The following KCNMA1 variants were observed in gnomAD, a reference collection of about 807,000 sequenced individuals.
KCNMA1 encodes potassium calcium-activated channel subfamily M alpha 1.
In KCNMA1, 29 loss-of-function variants were observed where a neutral mutation model predicts 140.0. The observed-to-expected ratio is 0.21, with a 90% CI of 0.15 to 0.28. The LOEUF (loss-of-function observed/expected upper bound fraction) is 0.28. Ranked by LOEUF, KCNMA1 falls within the 10% of genes least tolerant of loss-of-function variation. The pLI is 1.00. For synonymous variants in KCNMA1, 612 were observed against 611.9 expected (o/e 1.00, Z 0.00); for missense variants, 880 against 1,602.2 (o/e 0.55, Z 7.70).
chr10:77,553,886 G>T (rs1389533170), intron 1 of KCNMA1, among the ~76,000 whole-genome samples: 1 of 152,140 alleles, frequency 6.6e-6, no homozygotes, highest in East Asian at 1.9e-4. Context: ...AAGAGCATCA[G>T]AACTCCCTGT....
At chr10:76,923,460 G>A (rs149051900) in intron 23 of KCNMA1, among the ~76,000 whole-genome samples, 84 of 151,724 alleles carry the variant, frequency 5.5e-4, no homozygotes, top group African/African-American at 2.0e-3. Flanking sequence ...AAAAGAATTC[G>A]CTTAAAGAGC....
chr10:77,004,407 A>G (rs1243860231), intron 18 of KCNMA1, among the ~76,000 whole-genome samples: 2 of 152,202 alleles, frequency 1.3e-5, no homozygotes, highest in African/African-American at 4.8e-5. Flanking sequence ...TACTGCTGGC[A>G]TAGTCCATTT....
chr10:77,488,806 G>T (rs530091345), intron 1 of KCNMA1, among the ~76,000 whole-genome samples: 1 of 152,310 alleles, frequency 6.6e-6, no homozygotes, highest in South Asian at 2.1e-4. Flanking sequence ...CCCAATCAGG[G>T]GCAAAGTTGC....
intron 1 of KCNMA1, among the ~76,000 whole-genome samples, chr10:77,471,663 TAC>T (rs1274989409): frequency 1.4e-5 from 2 of 143,902 alleles, no homozygotes; most frequent in Non-Finnish European, 1.5e-5. Context: ...CATCACACAC[TAC>T]ACACACACAC....
At chr10:77,624,681 T>C (rs2092193908) in intron 1 of KCNMA1, among the ~76,000 whole-genome samples, 1 of 152,176 alleles carries the variant, frequency 6.6e-6, no homozygotes, top group Non-Finnish European at 1.5e-5. Flanking sequence ...GAATTTGTTA[T>C]ATGCATGAGA....
At chr10:77,285,534 G>A (rs966477166) in intron 2 of KCNMA1, among the ~76,000 whole-genome samples, 7 of 152,130 alleles carry the variant, frequency 4.6e-5, no homozygotes, top group African/African-American at 1.7e-4. Context: ...ACATAGGGAT[G>A]GCATATGGGA....
At chr10:77,003,059 G>A (rs527917208) in intron 18 of KCNMA1, among the ~76,000 whole-genome samples, 1 of 152,166 alleles carries the variant, frequency 6.6e-6, no homozygotes, top group Admixed American at 6.5e-5. Context: ...GTCAAGTCCT[G>A]TTCTAAGACC....
intron 20 of KCNMA1, among the ~76,000 whole-genome samples, chr10:76,968,887 G>C (rs2075004663): frequency 6.6e-6 from 1 of 152,148 alleles, no homozygotes; most frequent in South Asian, 2.1e-4. Flanking sequence ...GATGTGGAGG[G>C]CCAGGAACAT....
chr10:76,878,648 A>G (rs913119162), intron 29 of KCNMA1, among the ~76,000 whole-genome samples: 14 of 152,262 alleles, frequency 9.2e-5, no homozygotes, highest in Admixed American at 5.2e-4. Context: ...AGCTGTCGAC[A>G]AGGGAGCTCA....
intron 5 of KCNMA1, chr10:77,148,211 A>G (rs1182199878): frequency 6.6e-6 from 1 of 152,090 alleles, no homozygotes; most frequent in Non-Finnish European, 1.5e-5. Flanking sequence ...GGTTATGACT[A>G]TTGTGAACTG....
rs1159438368 is a variant in KCNMA1, at chr10:76,885,603, T to A, written c.*1663A>T. 2 of 985,236 alleles carry A rather than the reference T, an allele frequency of 2.0e-6. No homozygotes were observed. The highest frequency in any genetic ancestry group is 2.4e-6 in the Non-Finnish European group (2 of 829,928). The allele number at this position is 985,236 out of a possible 1,614,324, so 61.0% of individuals were successfully genotyped here. On this transcript the variant is annotated 3_prime_UTR_variant, in exon 28 of 28. Coordinates refer to ENST00000286628, the MANE Select transcript of KCNMA1 (RefSeq NM_001161352.2). Reference sequence around the variant, plus strand: ...AGAGATGGTACAGCTGTGACATGTTTTCCTCCTCCCTTTTACCCCTATTCT... The same window carrying A: ...AGAGATGGTACAGCTGTGACATGTTATCCTCCTCCCTTTTACCCCTATTCT...
At chr10:77,300,279 A>G (rs1201382406) in intron 2 of KCNMA1, among the ~76,000 whole-genome samples, 4 of 152,196 alleles carry the variant, frequency 2.6e-5, no homozygotes, top group African/African-American at 9.7e-5. Context: ...TTTGTGGGCT[A>G]CTTCTGAAAA....
At chr10:77,413,901 G>A (rs540681757) in intron 1 of KCNMA1, among the ~76,000 whole-genome samples, 24 of 152,290 alleles carry the variant, frequency 1.6e-4, no homozygotes, top group Admixed American at 1.2e-3. Flanking sequence ...CGATTACCCC[G>A]AGCTGTCAGA....
At chr10:77,581,282 C>A (rs117653909) in intron 1 of KCNMA1, among the ~76,000 whole-genome samples, 1 of 150,870 alleles carries the variant, frequency 6.6e-6, no homozygotes, top group South Asian at 2.1e-4. Flanking sequence ...CCAGGACAGA[C>A]ACCAGGCTCT....
intron 23 of KCNMA1, among the ~76,000 whole-genome samples, chr10:76,941,668 ATGCTCC>A (rs1443428636): frequency 2.0e-5 from 3 of 152,178 alleles, no homozygotes; most frequent in Non-Finnish European, 2.9e-5. Context: ...TGAGAGACAG[ATGCTCC>A]TCTCCACTGC....
intron 2 of KCNMA1, among the ~76,000 whole-genome samples, chr10:77,340,408 C>T (rs1428539464): frequency 2.0e-5 from 3 of 152,142 alleles, no homozygotes; most frequent in African/African-American, 4.8e-5. Context: ...AAGACACATG[C>T]ACATGTATGT....
At chr10:77,166,945 T>C (rs560340417) in intron 5 of KCNMA1, among the ~76,000 whole-genome samples, 1 of 152,356 alleles carries the variant, frequency 6.6e-6, no homozygotes, top group African/African-American at 2.4e-5. Context: ...TTATCTTTTC[T>C]ACATGCTAGG....
At chr10:77,204,536 G>C (rs576109740) in intron 3 of KCNMA1, among the ~76,000 whole-genome samples, 1 of 152,326 alleles carries the variant, frequency 6.6e-6, no homozygotes, top group East Asian at 1.9e-4. Flanking sequence ...GGGAAACCAA[G>C]ATTGAAATGA....
rs768861063 is a variant in KCNMA1 at position 77,186,187 on chromosome 10, C to T, written c.603-1271G>A. On this transcript the variant is annotated intron_variant, in intron 3 of 27. Coordinates refer to ENST00000286628, the MANE Select transcript of KCNMA1 (RefSeq NM_001161352.2). ...GGGTAAGTTAGTCTGTGGGAATCTC[C>T]GATCATGTTCCATGCACTGGATTTA... Among the ~76,000 whole-genome samples, 22 of 152,140 alleles carry T rather than the reference C, an allele frequency of 1.4e-4. No homozygotes were observed. In the East Asian group the frequency reaches 2.3e-3, roughly 16 times the overall value.
Sources: gnomAD v4.1 joint callset for allele counts (sites outside exome capture counted in the v4.1 genomes callset) on GRCh38, gnomAD v4.1.1 for gene constraint, MANE v1.5 for transcripts, NCBI Gene and HGNC (gene_info 2026-07-23, HGNC 2026-07-21) for gene names.